The following AP2B1 variants were observed in gnomAD, a reference collection of about 807,000 sequenced individuals.
AP2B1 encodes the protein adaptor related protein complex 2 subunit beta 1, also known as AP-2 complex subunit beta.
A neutral mutation model predicts 102.0 loss-of-function variants in AP2B1; 23 were observed. The observed-to-expected ratio is 0.23, with a 90% confidence interval of 0.16 to 0.32. The LOEUF (loss-of-function observed/expected upper bound fraction) is 0.32. AP2B1 is among the 10% of genes least tolerant of loss of function. The pLI is 1.00. For synonymous variants in AP2B1, 381 were observed against 421.2 expected (o/e 0.90, Z 1.17); for missense variants, 541 against 1,157.4 (o/e 0.47, Z 7.73).
chr17:35,640,843 G>C (rs1025574282), intron 11 of AP2B1, among the ~76,000 whole-genome samples: 2 of 152,144 alleles, frequency 1.3e-5, no homozygotes, highest in African/African-American at 4.8e-5. Context: ...GTTAGTAATG[G>C]CTGTGGCTCA....
chr17:35,597,038 C>T (rs1247004734), intron 2 of AP2B1: 3 of 594,112 alleles, frequency 5.0e-6, no homozygotes, highest in Non-Finnish European at 6.2e-6. Context: ...GGCGAAGCCC[C>T]GTTGTGGGGG....
chr17:35,697,089 GCAGC>G lies in AP2B1; in HGVS notation c.2455-12133_2455-12130del, dbSNP rs2076155254. Among the ~76,000 whole-genome samples the G allele has an allele frequency of 2.6e-5, 4 of 152,196 alleles. No individual in the cohort carries two copies. In the South Asian group the frequency reaches 8.3e-4, roughly 31 times the overall value. On this transcript the variant is annotated intron_variant, in intron 18 of 21. Transcript: ENST00000610402. The stretch of plus-strand genomic sequence containing the variant: ...CACAGCCTCTGCCTGTTGTTTCTCA[GCAGC>G]CTTGCGTTCTATCCTCTGACTCTGA...
intron 17 of AP2B1, among the ~76,000 whole-genome samples, chr17:35,679,032 T>C (rs1171585675): frequency 6.6e-6 from 1 of 152,224 alleles, no homozygotes; most frequent in Non-Finnish European, 1.5e-5. Context: ...TACTGCTGTC[T>C]TTCCACTTTT....
intron 13 of AP2B1, among the ~76,000 whole-genome samples, chr17:35,651,441 A>G (rs2075083637): frequency 1.3e-5 from 2 of 152,218 alleles, no homozygotes; most frequent in African/African-American, 4.8e-5. Context: ...GGCAGAAGAA[A>G]CACTCTAATA....
chr17:35,612,628 G>T (rs1233129381), intron 5 of AP2B1, among the ~76,000 whole-genome samples: 2 of 152,104 alleles, frequency 1.3e-5, no homozygotes, highest in Non-Finnish European at 2.9e-5. Context: ...TAAAGCAGAG[G>T]TTATTCCATG....
At position 35,711,811 on chromosome 17, in the gene AP2B1, T is replaced by C. The variant is rs587640018; in HGVS notation, c.2626+1491T>C. On this transcript the variant is annotated intron_variant, in intron 20 of 21. Transcript: ENST00000610402. ...AGTTTTTTATGGCTCTATGTAATAT[T>C]CATCTTCTGTGTTCAGATGAATCTT... 2.6e-5 allele frequency among the ~76,000 whole-genome samples: 4 copies of C among 152,348 alleles called. No homozygotes were observed. The East Asian group carries it at 7.7e-4, about 29-fold the overall frequency.
At chr17:35,616,700 A>G (rs948700581) in intron 5 of AP2B1, among the ~76,000 whole-genome samples, 1 of 152,170 alleles carries the variant, frequency 6.6e-6, no homozygotes, top group Non-Finnish European at 1.5e-5. Flanking sequence ...TTCAGTCCGG[A>G]ATACCAAATT....
At chr17:35,666,047 T>C (rs1012255454) in intron 14 of AP2B1, among the ~76,000 whole-genome samples, 2 of 152,224 alleles carry the variant, frequency 1.3e-5, no homozygotes, top group African/African-American at 4.8e-5. Context: ...CTTGAGTTCC[T>C]TCTCTGTATT....
At chr17:35,700,798 G>A (rs2076225184) in intron 18 of AP2B1, among the ~76,000 whole-genome samples, 1 of 152,172 alleles carries the variant, frequency 6.6e-6, no homozygotes, top group Non-Finnish European at 1.5e-5. Flanking sequence ...CTGACAGGTT[G>A]TTCTTTCCTT....
chr17:35,659,757 G>A, intron 14 of AP2B1: 1 of 975,370 alleles, frequency 1.0e-6, no homozygotes, highest in Non-Finnish European at 1.2e-6. Flanking sequence ...TATCCTTGGT[G>A]TTACAGCCCC....
intron 6 of AP2B1, among the ~76,000 whole-genome samples, chr17:35,625,510 CACTT>C (rs1373498239): frequency 1.3e-5 from 2 of 152,132 alleles, no homozygotes; most frequent in Non-Finnish European, 2.9e-5. Flanking sequence ...TTCATTCACT[CACTT>C]AGCAAATATT....
chr17:35,709,299 G>A lies in AP2B1; in HGVS notation c.2530G>A (p.Gly844Ser). 6.2e-7 allele frequency: 1 copy of A among 1,613,586 alleles called. No individual in the cohort carries two copies. The highest frequency in any genetic ancestry group is 8.5e-7 in the Non-Finnish European group (1 of 1,179,654). The change falls in exon 19 of 22, where the codon GGC becomes AGC. Residue 844 changes from glycine to serine, a missense_variant. Gly to Ser is a moderately conservative substitution (Grantham distance 56). Around this residue, in one of 10 missense-constraint regions of AP2B1, gnomAD observed 117 missense variants for 206.7 expected, o/e 0.57. Coordinates refer to ENST00000610402, the MANE Select transcript of AP2B1 (RefSeq NM_001030006.2). ...ACTCAATGTGCTTTTTGTAGAAGAT[G>A]GCAAAATGGGTAAGTACCTTCCTGC... ...IPLNVLFVED[G>S]KMERQVFLAT...
chr17:35,597,080 C>A, intron 2 of AP2B1: 1 of 549,020 alleles, frequency 1.8e-6, no homozygotes, highest in South Asian at 1.7e-5. Flanking sequence ...CCCTGGGCGC[C>A]CCCGCTCCGG....
chr17:35,599,286 G>T (rs2073398636), intron 3 of AP2B1, among the ~76,000 whole-genome samples: 1 of 152,302 alleles, frequency 6.6e-6, no homozygotes, highest in South Asian at 2.1e-4. Context: ...TATTTAATCA[G>T]ACTTTGGTAT....
intron 9 of AP2B1, 23 bp downstream of exon 9, chr17:35,627,749 G>C (rs767789885): frequency 6.3e-7 from 1 of 1,589,850 alleles, no homozygotes; most frequent in African/African-American, 1.3e-5. Context: ...TGGTAGTTAG[G>C]ATCATGTATT....
chr17:35,638,784 G>A (rs1255420419), intron 10 of AP2B1, among the ~76,000 whole-genome samples: 3 of 83,162 alleles, frequency 3.6e-5, no homozygotes, highest in African/African-American at 1.6e-4. Flanking sequence ...GCAACACTCC[G>A]TCTTGAAAAA....
chr17:35,600,067 G>A (rs917631391), intron 3 of AP2B1, among the ~76,000 whole-genome samples: 1 of 152,052 alleles, frequency 6.6e-6, no homozygotes, highest in Non-Finnish European at 1.5e-5. Context: ...ACAACCATTT[G>A]TCTAGTTTTA....
intron 17 of AP2B1, among the ~76,000 whole-genome samples, chr17:35,678,896 T>C (rs1431006752): frequency 1.3e-5 from 2 of 152,214 alleles, no homozygotes; most frequent in African/African-American, 4.8e-5. Context: ...TCACATTATC[T>C]GGTCATCCCT....
At chr17:35,700,590 G>A (rs978794814) in intron 18 of AP2B1, among the ~76,000 whole-genome samples, 1 of 151,998 alleles carries the variant, frequency 6.6e-6, no homozygotes, top group African/African-American at 2.4e-5. Flanking sequence ...TGAGAGGTCG[G>A]GTAAGAGGCC....
Sources: gnomAD v4.1 joint callset for allele counts (sites outside exome capture counted in the v4.1 genomes callset) on GRCh38, gnomAD v4.1.1 for gene constraint, gnomAD v4.1.1 regional missense constraint, MANE v1.5 for transcripts, NCBI Gene and HGNC (gene_info 2026-07-23, HGNC 2026-07-21) for gene names.